Variants in TRPM1 observed in about 807,000 individuals in gnomAD.
The protein encoded by TRPM1 is TRPM1-203 APA Isoform, Intron 10.
A neutral mutation model predicts 149.4 loss-of-function variants in TRPM1; 113 were observed. The observed-to-expected ratio is 0.76, with a 90% CI of 0.65 to 0.88. TRPM1 has a LOEUF of 0.88. Ranked by LOEUF, TRPM1 falls within the 40% of genes least tolerant of loss-of-function variation. TRPM1 has a pLI of 0.00. For synonymous variants in TRPM1, 741 were observed against 759.5 expected (o/e 0.98, Z 0.40); for missense variants, 1,976 against 2,038.7 (o/e 0.97, Z 0.59).
chr15:31,115,492 C>G (rs1185904546), intron 1 of TRPM1, among the ~76,000 whole-genome samples: 1 of 152,050 alleles, frequency 6.6e-6, no homozygotes, highest in African/African-American at 2.4e-5. Context: ...GGAGAAAATG[C>G]TAGAGCCAGA....
rs143628938 is a variant in TRPM1, at chr15:31,078,689, G to A, written c.4-1705C>T. ...TGCCCTTCTGTTTTGCACTTTTCCC[G>A]TCTGTTTCGCACTTCTCCAGCGCAA... On this transcript the variant is annotated intron_variant, in intron 2 of 27. Transcript: ENST00000256552. Among the ~76,000 whole-genome samples, 17 of 152,262 alleles carry A rather than the reference G, an allele frequency of 1.1e-4. No individual in the cohort carries two copies. In the East Asian group the frequency reaches 2.3e-3, roughly 21 times the overall value.
chr15:31,050,793 C>T (rs1485553784), intron 11 of TRPM1, among the ~76,000 whole-genome samples: 3 of 152,192 alleles, frequency 2.0e-5, no homozygotes, highest in Non-Finnish European at 4.4e-5. Flanking sequence ...CATACTCAGT[C>T]GTCGCAGGCC....
At chr15:31,027,537 C>G (rs1209357887) in intron 25 of TRPM1, among the ~76,000 whole-genome samples, 1 of 152,008 alleles carries the variant, frequency 6.6e-6, no homozygotes, top group Non-Finnish European at 1.5e-5. Flanking sequence ...ATTGAAGGTT[C>G]GTTATTTTGG....
At chr15:31,113,272 A>G (rs1013852708) in intron 1 of TRPM1, among the ~76,000 whole-genome samples, 2 of 152,182 alleles carry the variant, frequency 1.3e-5, no homozygotes, top group African/African-American at 4.8e-5. Context: ...AGGACCCCTG[A>G]TTCTGCCTGC....
intron 7 of TRPM1, 122 bp downstream of exon 7, chr15:31,065,954 T>A (rs1028701784): frequency 8.1e-6 from 10 of 1,230,132 alleles, no homozygotes; most frequent in Non-Finnish European, 1.1e-5. Context: ...TCATTTTCTG[T>A]TGACCTAACA....
At chr15:31,057,851 G>A (rs2034124963) in intron 11 of TRPM1, among the ~76,000 whole-genome samples, 1 of 152,220 alleles carries the variant, frequency 6.6e-6, no homozygotes, top group African/African-American at 2.4e-5. Flanking sequence ...GATAGTGAAA[G>A]AGTTCTTATG....
In TRPM1 at chr15:31,037,752, C is replaced by T. The variant is rs2140923708; in HGVS notation, c.2530G>A (p.Glu844Lys). The change falls in exon 20 of 28, where the codon GAA becomes AAA. Residue 844 changes from glutamate (E) to lysine (K), a missense_variant. Physicochemically the swap from Glu to Lys is moderately conservative, Grantham distance 56. Around this residue, in one of 3 missense-constraint regions of TRPM1, gnomAD observed 1,332 missense variants for 1,347.1 expected, o/e 0.99. Transcript: ENST00000256552. ...RSIPIGTKICEFYNAPIVKFW... is the reference protein window; with the variant it reads ...RSIPIGTKICKFYNAPIVKFW... ...TTGACAATGGGCGCGTTATAGAATT[C>T]ACAGATCTTTGTTCCGATGGGAATA... 1 of 1,614,202 alleles carries T rather than the reference C, an allele frequency of 6.2e-7. No homozygotes were observed. The highest frequency in any genetic ancestry group is 8.5e-7 in the Non-Finnish European group (1 of 1,180,046).
chr15:31,114,084 C>A (rs183730014), intron 1 of TRPM1, among the ~76,000 whole-genome samples: 4 of 152,252 alleles, frequency 2.6e-5, no homozygotes, highest in African/African-American at 4.8e-5. Context: ...CAGAAAAGTT[C>A]TCCAAGTCCC....
chr15:31,128,303 G>A (rs1326612204), intron 1 of TRPM1, among the ~76,000 whole-genome samples: 1 of 152,162 alleles, frequency 6.6e-6, no homozygotes, highest in Non-Finnish European at 1.5e-5. Flanking sequence ...CCTGGGCTGT[G>A]CCCACCGGCT....
intron 1 of TRPM1, among the ~76,000 whole-genome samples, chr15:31,148,734 C>G (rs2036255003): frequency 6.6e-6 from 1 of 152,122 alleles, no homozygotes; most frequent in Non-Finnish European, 1.5e-5. Context: ...ACCTTACCCC[C>G]TAGCAAATGT....
chr15:31,074,933 GT>G (rs1303683142), intron 3 of TRPM1, among the ~76,000 whole-genome samples: 7 of 152,068 alleles, frequency 4.6e-5, no homozygotes, highest in Non-Finnish European at 1.0e-4. Flanking sequence ...CTTTAACCTA[GT>G]GGTTATCTGG....
chr15:31,042,706 G>GA (rs3214510), intron 16 of TRPM1, among the ~76,000 whole-genome samples: 138,340 of 152,294 alleles, frequency 0.91, 62,916 homozygotes, highest in East Asian at 0.96. Context: ...AGGGGCTAGA[G>GA]AAAATGTTTT....
intron 27 of TRPM1, among the ~76,000 whole-genome samples, chr15:31,018,362 A>G (rs2032444271): frequency 6.8e-6 from 1 of 146,558 alleles, no homozygotes; most frequent in African/African-American, 2.5e-5. Flanking sequence ...TTTAAATTTT[A>G]AATTTATTTT....
intron 1 of TRPM1, among the ~76,000 whole-genome samples, chr15:31,111,821 A>C (rs2141024328): frequency 6.6e-6 from 1 of 152,284 alleles, no homozygotes. Flanking sequence ...GTCCTTAAGT[A>C]ATGCTTTATC....
chr15:31,004,969 G>A (rs920897790), intron 27 of TRPM1, among the ~76,000 whole-genome samples: 2 of 152,076 alleles, frequency 1.3e-5, no homozygotes, highest in East Asian at 1.9e-4. Context: ...GGGCACAGTG[G>A]TGTGTGCCGG....
At chr15:31,116,110 A>T (rs1054404798) in intron 1 of TRPM1, among the ~76,000 whole-genome samples, 1 of 152,184 alleles carries the variant, frequency 6.6e-6, no homozygotes, top group African/African-American at 2.4e-5. Flanking sequence ...GCAGGGACAC[A>T]AACATTGAAG....
At chr15:31,031,255 T>C in intron 22 of TRPM1, 98 bp from the exon 23 acceptor site, 1 of 1,360,156 alleles carries the variant, frequency 7.4e-7, no homozygotes. Flanking sequence ...ACTTCACGAG[T>C]GCTTAATTAG....
chr15:31,111,010 G>A (rs973580505), intron 1 of TRPM1, among the ~76,000 whole-genome samples: 1 of 149,814 alleles, frequency 6.7e-6, no homozygotes, highest in African/African-American at 2.5e-5. Context: ...TTAAAAACCT[G>A]CCAAGCATTT....
At chr15:31,068,160 G>A in intron 4 of TRPM1, 68 bp from the exon 5 acceptor site, 1 of 1,395,954 alleles carries the variant, frequency 7.2e-7, no homozygotes, top group South Asian at 1.2e-5. Flanking sequence ...GGGGAGTGAG[G>A]CTATTGCTCA....
Sources: gnomAD v4.1 joint callset for allele counts (sites outside exome capture counted in the v4.1 genomes callset) on GRCh38, gnomAD v4.1.1 for gene constraint, gnomAD v4.1.1 regional missense constraint, MANE v1.5 for transcripts, NCBI Gene and HGNC (gene_info 2026-07-23, HGNC 2026-07-21) for gene names.